Variants in SLC39A10 observed in about 807,000 individuals in gnomAD.
SLC39A10 encodes solute carrier family 39 member 10, also known as zinc transporter ZIP10.
Under a neutral mutation model 65.1 loss-of-function variants are expected in SLC39A10, and 13 were observed. The observed-to-expected ratio is 0.20, with a 90% CI of 0.13 to 0.32. The LOEUF (loss-of-function observed/expected upper bound fraction) is 0.32. Among genes scored for constraint, SLC39A10 ranks in the 10% least tolerant of loss-of-function variants. The pLI is 1.00. For missense variants in SLC39A10, 831 were observed against 1,018.4 expected (o/e 0.82, Z 2.50); for synonymous variants, 321 against 342.2 (o/e 0.94, Z 0.68).
At chr2:195,625,260 G>A (rs1376678651) in intron 2 of SLC39A10, among the ~76,000 whole-genome samples, 1 of 126,038 alleles carries the variant, frequency 7.9e-6, no homozygotes, top group Non-Finnish European at 1.7e-5. Flanking sequence ...TAAAACTGTT[G>A]ACAACTTTTT....
At chr2:195,660,573 T>C (rs1408715893) in intron 1 of SLC39A10, among the ~76,000 whole-genome samples, 3 of 152,228 alleles carry the variant, frequency 2.0e-5, no homozygotes, top group African/African-American at 7.2e-5. Context: ...TGGTCTATTT[T>C]AGTTTCCTCT....
At chr2:195,690,171 C>G (rs10191444) in intron 3 of SLC39A10, among the ~76,000 whole-genome samples, 2 of 20,602 alleles carry the variant, frequency 9.7e-5, no homozygotes, top group Non-Finnish European at 1.9e-4. Context: ...GTGAGACTCT[C>G]TGAAAAAAAA....
At chr2:195,680,008 GTC>G (rs1690239383) in intron 1 of SLC39A10, 22 bp from the exon 2 acceptor site, 1 of 1,535,948 alleles carries the variant, frequency 6.5e-7, no homozygotes, top group East Asian at 2.3e-5. Context: ...ACTAATACTT[GTC>G]TCTCTCTTTA....
chr2:195,717,553 G>A (rs1427830455), intron 7 of SLC39A10, among the ~76,000 whole-genome samples: 3 of 151,928 alleles, frequency 2.0e-5, no homozygotes, highest in South Asian at 2.1e-4. Flanking sequence ...TTCAGAAAGC[G>A]GAGACCATGT....
At chr2:195,695,529 C>T (rs1249975641) in intron 3 of SLC39A10, among the ~76,000 whole-genome samples, 4 of 152,190 alleles carry the variant, frequency 2.6e-5, no homozygotes, top group African/African-American at 7.2e-5. Flanking sequence ...AGATCACCAG[C>T]CTCCCCACTG....
At chr2:195,617,216 A>AT (rs918531031) in intron 2 of SLC39A10, among the ~76,000 whole-genome samples, 1 of 152,100 alleles carries the variant, frequency 6.6e-6, no homozygotes, top group African/African-American at 2.4e-5. Flanking sequence ...GATCAAAAAA[A>AT]TTTTTTTGCA....
At chr2:195,700,312 GTCT>G (rs377683641) in intron 3 of SLC39A10, among the ~76,000 whole-genome samples, 97 of 152,178 alleles carry the variant, frequency 6.4e-4, no homozygotes, top group African/African-American at 2.3e-3. Context: ...TACTGCTAAT[GTCT>G]TCCATTGTAT....
chr2:195,691,150 A>G (rs751866601), intron 3 of SLC39A10, among the ~76,000 whole-genome samples: 14 of 152,178 alleles, frequency 9.2e-5, no homozygotes, highest in Admixed American at 7.2e-4. Flanking sequence ...ATAGTCTCCA[A>G]TTCCATCCAG....
chr2:195,734,966 A>G lies in SLC39A10; in HGVS notation c.2421A>G (p.Gly807=), dbSNP rs778920197. The G allele has an allele frequency of 1.2e-6, 2 of 1,613,844 alleles. No homozygotes were observed. The highest frequency in any genetic ancestry group is 8.5e-7 in the Non-Finnish European group (1 of 1,179,900). The part of the protein sequence containing the change: ...PVGQFILQNL[G]LLFGFAIMLV... ...GGCAATTCATCCTTCAGAATTTAGG[A>G]TTGCTCTTTGGATTTGCCATTATGC... is the stretch of plus-strand genomic sequence containing the variant. Residue 807 remains glycine, a synonymous_variant, in exon 10 of 10, where the codon GGA becomes GGG. Coordinates refer to ENST00000359634, the MANE Select transcript of SLC39A10 (RefSeq NM_020342.3).
chr2:195,666,186 C>G (rs918599752), intron 1 of SLC39A10, among the ~76,000 whole-genome samples: 1 of 152,136 alleles, frequency 6.6e-6, no homozygotes, highest in Admixed American at 6.5e-5. Context: ...GGACAGAAAG[C>G]TCCCATGTTG....
intron 3 of SLC39A10, among the ~76,000 whole-genome samples, chr2:195,694,320 T>C (rs562167951): frequency 1.1e-4 from 16 of 148,764 alleles, no homozygotes; most frequent in South Asian, 2.1e-4. Flanking sequence ...CGTTCATTTG[T>C]TTTAGGGTAT....
chr2:195,691,581 C>T (rs1022357801), intron 3 of SLC39A10, among the ~76,000 whole-genome samples: 1 of 152,184 alleles, frequency 6.6e-6, no homozygotes, highest in African/African-American at 2.4e-5. Context: ...GGTGGTATCA[C>T]ATTGCGGTTT....
chr2:195,695,391 C>T (rs1442954960), intron 3 of SLC39A10, among the ~76,000 whole-genome samples: 1 of 152,160 alleles, frequency 6.6e-6, no homozygotes, highest in African/African-American at 2.4e-5. Flanking sequence ...GGAAAACTGG[C>T]AGTCACAGGC....
intron 1 of SLC39A10, among the ~76,000 whole-genome samples, chr2:195,668,262 A>C (rs1689712884): frequency 6.6e-6 from 1 of 152,258 alleles, no homozygotes; most frequent in East Asian, 1.9e-4. Flanking sequence ...TATATGATTG[A>C]GGCTATAAAA....
intron 1 of SLC39A10, among the ~76,000 whole-genome samples, chr2:195,661,530 G>A (rs1324952223): frequency 6.6e-6 from 1 of 152,148 alleles, no homozygotes; most frequent in African/African-American, 2.4e-5. Flanking sequence ...ATGAGCCACC[G>A]TGCCCAGCCA....
intron 3 of SLC39A10, among the ~76,000 whole-genome samples, chr2:195,697,854 A>G (rs1342792325): frequency 6.6e-6 from 1 of 152,200 alleles, no homozygotes; most frequent in Non-Finnish European, 1.5e-5. Flanking sequence ...AGAAATGCAA[A>G]TCAAAACCAC....
chr2:195,616,463 C>T (rs1007248224), intron 2 of SLC39A10, among the ~76,000 whole-genome samples: 20 of 151,888 alleles, frequency 1.3e-4, no homozygotes, highest in Admixed American at 1.1e-3. Context: ...TGTGCCACCA[C>T]GCCTGGCTAA....
chr2:195,647,124 T>C (rs150592334), intron 2 of SLC39A10, among the ~76,000 whole-genome samples: 150 of 152,298 alleles, frequency 9.8e-4, no homozygotes, highest in African/African-American at 3.3e-3. Flanking sequence ...CATTTCGAGG[T>C]CAGTTGGTTA....
In SLC39A10 at chr2:195,728,255, T is replaced by C. The variant is rs768914945; in HGVS notation, c.2243T>C (p.Ile748Thr). The stretch of plus-strand genomic sequence containing the variant: ...ATGATGGCTTACATAGGCATGCTCA[T>C]AGGCACAGCTGTTGGTCAGTATGCC... ...SAMMAYIGML[I>T]GTAVGQYANN... The change falls in exon 9 of 10, where the codon ATA becomes ACA. Residue 748 changes from isoleucine to threonine, a missense_variant. Transcript: ENST00000359634. The surrounding 1 kb of genome is among the most constrained non-coding windows in gnomAD (Gnocchi z 4.4). 4 of 1,613,952 alleles carry C rather than the reference T, an allele frequency of 2.5e-6. No individual in the cohort carries two copies. Among genetic ancestry groups the C allele is most frequent in the Non-Finnish European group, 3.4e-6 (4 of 1,179,920 alleles).
Sources: gnomAD v4.1 joint callset for allele counts (sites outside exome capture counted in the v4.1 genomes callset) on GRCh38, gnomAD v4.1.1 for gene constraint, Gnocchi (gnomAD v3.1) non-coding constraint, MANE v1.5 for transcripts, NCBI Gene and HGNC (gene_info 2026-07-23, HGNC 2026-07-21) for gene names.